AP2A2: variants seen among roughly 807,000 people sequenced by gnomAD.
AP2A2 encodes AP-2 complex subunit alpha-2.
Under a neutral mutation model 104.2 loss-of-function variants are expected in AP2A2, and 32 were observed. The observed-to-expected ratio is 0.31, with a 90% CI of 0.23 to 0.41. The LOEUF (loss-of-function observed/expected upper bound fraction) is 0.41. Among genes scored for constraint, AP2A2 ranks in the 10% least tolerant of loss-of-function variants. The pLI is 1.00. For synonymous variants in AP2A2, 539 were observed against 533.3 expected, an observed-to-expected ratio of 1.01 and a Z score of -0.15; for missense variants, 912 against 1,261.0, an observed-to-expected ratio of 0.72 and a Z score of 4.19.
intron 18 of AP2A2, 97 bp downstream of exon 18, chr11:1,008,232 G>A: frequency 6.9e-7 from 1 of 1,446,778 alleles, no homozygotes; most frequent in Non-Finnish European, 9.1e-7. Flanking sequence ...TTCCTGAGGG[G>A]ACCCGGGGCG....
chr11:983,313 C>T (rs1004414650), intron 6 of AP2A2, among the ~76,000 whole-genome samples: 20 of 151,976 alleles, frequency 1.3e-4, no homozygotes, highest in Non-Finnish European at 2.9e-5. Flanking sequence ...GCATGAGACA[C>T]CGCACCTGGA....
intron 9 of AP2A2, 127 bp from the exon 10 acceptor site, chr11:988,425 G>A: frequency 4.8e-6 from 6 of 1,252,112 alleles, no homozygotes; most frequent in Non-Finnish European, 6.8e-6. Context: ...CGGCTCCCTG[G>A]ACCTGGATGT....
At chr11:944,800 A>C (rs1194199007) in intron 1 of AP2A2, among the ~76,000 whole-genome samples, 1 of 147,780 alleles carries the variant, frequency 6.8e-6, no homozygotes, top group African/African-American at 2.5e-5. Context: ...GGGGAGGATG[A>C]CTGCTGCACG....
At chr11:1,010,417 C>T in intron 21 of AP2A2, 131 bp from the exon 22 acceptor site, 5 of 689,722 alleles carry the variant, frequency 7.2e-6, no homozygotes, top group Non-Finnish European at 1.0e-5. Context: ...GCTCAGGCCT[C>T]TGCCGAGTTG....
intron 1 of AP2A2, among the ~76,000 whole-genome samples, chr11:945,520 A>G (rs865925059): frequency 5.3e-5 from 8 of 152,060 alleles, no homozygotes; most frequent in African/African-American, 1.9e-4. Flanking sequence ...TTTAGTAGAG[A>G]TGGGGTTTCA....
chr11:979,971 A>C (rs1395348363), intron 5 of AP2A2, among the ~76,000 whole-genome samples: 2 of 152,224 alleles, frequency 1.3e-5, no homozygotes, highest in Non-Finnish European at 2.9e-5. Flanking sequence ...TATATAATTA[A>C]AGTCTTTTTT....
rs980843923 is a variant in AP2A2, at chr11:992,920, C to T, written c.1452+235C>T. ...CTCTCTGGGGGCCACCTGAGAAAGC[C>T]GGCCTCTGTGTGTGTGAGAGCATGC... On this transcript the variant is annotated intron_variant, in intron 11 of 21. Coordinates refer to ENST00000448903, the MANE Select transcript of AP2A2 (RefSeq NM_012305.4). The surrounding 1 kb of genome is among the most constrained non-coding windows in gnomAD (Gnocchi z 6.4). Among the ~76,000 whole-genome samples the T allele has an allele frequency of 5.9e-5, 9 of 152,270 alleles. No homozygotes were observed. The highest frequency in any genetic ancestry group is 2.0e-4 in the Admixed American group (3 of 15,306).
At chr11:988,730 G>A (rs1473268372) in intron 10 of AP2A2, 41 bp downstream of exon 10, 8 of 1,606,922 alleles carry the variant, frequency 5.0e-6, no homozygotes, top group South Asian at 4.4e-5. Flanking sequence ...TGCCACAGGC[G>A]TGAATCTCAG....
intron 9 of AP2A2, among the ~76,000 whole-genome samples, chr11:988,059 C>T (rs1855523133): frequency 6.6e-6 from 1 of 152,258 alleles, no homozygotes; most frequent in South Asian, 2.1e-4. Context: ...GCTGGTGGTG[C>T]CCACTCTCCT....
rs1000087804 is a variant in AP2A2, at chr11:988,799, T to G, written c.1269+110T>G. ...CCAGCAGGACTTGATTGAGAACCCA[T>G]GAGATGCTGAATACAAGGCTCCTCT... is the stretch of plus-strand genomic sequence containing the variant. On this transcript the variant is annotated intron_variant, in intron 10 of 21. Transcript: ENST00000448903. 9 of 1,378,246 alleles carry G rather than the reference T, an allele frequency of 6.5e-6. No individual in the cohort carries two copies. The South Asian group carries it at 1.1e-4, about 17-fold the overall frequency. The allele number at this position is 1,378,246 out of a possible 1,614,324, so 85.4% of individuals were successfully genotyped here. A position where few individuals can be genotyped will look rare whatever the true frequency, so the allele number is the denominator to read the frequency against.
At chr11:998,309 C>G (rs571655969) in intron 14 of AP2A2, among the ~76,000 whole-genome samples, 20 of 151,710 alleles carry the variant, frequency 1.3e-4, no homozygotes, top group African/African-American at 4.6e-4. Flanking sequence ...CCCCCAATCC[C>G]CATTCTGACT....
Position 986,876 on chromosome 11 carries a change from A to C in AP2A2, c.1054A>C (p.Met352Leu). The C allele has an allele frequency of 6.2e-7, 1 of 1,610,028 alleles. No homozygotes were observed. The highest frequency in any genetic ancestry group is 2.2e-5 in the East Asian group (1 of 44,772). ...CCTGCGCTACCTGGCCCTGGAGAGC[A>C]TGTGCACGCTGGCCAGCTCTGAGTT... is the stretch of plus-strand genomic sequence containing the variant. Reference protein sequence around the residue: ...TNLRYLALESMCTLASSEFSH... With the variant: ...TNLRYLALESLCTLASSEFSH... Residue 352 changes from methionine (M) to leucine (L), a missense_variant, in exon 9 of 22, where the codon ATG becomes CTG. Met to Leu is a conservative substitution (Grantham distance 15). Around this residue, in one of 7 missense-constraint regions of AP2A2, gnomAD observed 350 missense variants for 487.0 expected, o/e 0.72. Transcript: ENST00000448903.
chr11:1,005,627 A>C (rs1437725476), intron 16 of AP2A2, among the ~76,000 whole-genome samples: 1 of 152,234 alleles, frequency 6.6e-6, no homozygotes, highest in Non-Finnish European at 1.5e-5. Flanking sequence ...GAGCCTCCTC[A>C]GGACTGCTCT....
intron 6 of AP2A2, among the ~76,000 whole-genome samples, chr11:981,604 G>A (rs1219527754): frequency 3.3e-5 from 5 of 152,228 alleles, no homozygotes; most frequent in Non-Finnish European, 5.9e-5. Context: ...TGGCGTGCAC[G>A]CTAAAGCCTG....
chr11:964,754 A>G (rs1375058507), intron 2 of AP2A2, among the ~76,000 whole-genome samples: 1 of 152,252 alleles, frequency 6.6e-6, no homozygotes, highest in African/African-American at 2.4e-5. Flanking sequence ...TCCTACCAGA[A>G]GGCCTGTGTT....
intron 15 of AP2A2, among the ~76,000 whole-genome samples, chr11:1,003,436 G>A (rs1213064932): frequency 6.6e-6 from 1 of 152,274 alleles, no homozygotes; most frequent in African/African-American, 2.4e-5. Flanking sequence ...TTCTGGGGCC[G>A]TGAGAGGCCG....
At chr11:995,230 C>T (rs1259182264) in intron 14 of AP2A2, 9 of 448,992 alleles carry the variant, frequency 2.0e-5, no homozygotes, top group Non-Finnish European at 4.1e-5. Context: ...CTGTCCTGCC[C>T]TGCTCTTCGA....
intron 2 of AP2A2, among the ~76,000 whole-genome samples, chr11:960,013 G>A (rs1854375903): frequency 6.6e-6 from 1 of 152,152 alleles, no homozygotes; most frequent in African/African-American, 2.4e-5. Context: ...AATCCTTAAA[G>A]CCTTAATTTT....
rs773857749 is a variant in AP2A2, at chr11:993,373, G to C, written c.1542G>C (p.Pro514=). The part of the protein sequence containing the change: ...GEFGNLIAGD[P]RSSPLIQFHL... The stretch of plus-strand genomic sequence containing the variant: ...TTGGAAACTTGATAGCTGGAGACCC[G>C]AGATCCAGGTGAGAGGCCCTTTGCG... Residue 514 remains proline (P), a synonymous_variant, in exon 12 of 22, where the codon CCG becomes CCC. Coordinates refer to ENST00000448903, the MANE Select transcript of AP2A2 (RefSeq NM_012305.4). The surrounding 1 kb of genome is among the most constrained non-coding windows in gnomAD (Gnocchi z 8.2). 1.9e-6 allele frequency: 3 copies of C among 1,610,082 alleles called. No individual in the cohort carries two copies. Among genetic ancestry groups the C allele is most frequent in the African/African-American group, 2.7e-5 (2 of 74,744 alleles).
Sources: allele counts gnomAD v4.1 joint callset (sites outside exome capture counted in the v4.1 genomes callset), GRCh38; gene constraint gnomAD v4.1.1; regional missense constraint gnomAD v4.1.1; non-coding constraint Gnocchi (gnomAD v3.1); transcripts MANE v1.5; gene names NCBI Gene and HGNC (gene_info 2026-07-23, HGNC 2026-07-21).